HMBOX1: variants seen among roughly 807,000 people sequenced by gnomAD.
HMBOX1 encodes homeobox-containing protein 1.
HMBOX1 carries 14 observed loss-of-function variants against 54.5 expected under a neutral mutation model. That is an observed-to-expected ratio of 0.26 (90% CI 0.17 to 0.40). HMBOX1 has a LOEUF of 0.40. HMBOX1 is among the 10% of genes least tolerant of loss of function. The pLI, the probability that HMBOX1 is intolerant of heterozygous loss-of-function variation, is 1.00. For synonymous variants in HMBOX1, 160 were observed against 181.0 expected, an observed-to-expected ratio of 0.88 and a Z score of 0.93; for missense variants, 332 against 514.4, an observed-to-expected ratio of 0.65 and a Z score of 3.43.
intron 6 of HMBOX1, among the ~76,000 whole-genome samples, chr8:29,041,541 A>G (rs978206302): frequency 2.6e-5 from 4 of 152,200 alleles, no homozygotes; most frequent in Admixed American, 2.6e-4. Flanking sequence ...GTATACAGTG[A>G]TAACTATAAT....
chr8:29,037,302 G>C (rs1011802499), intron 6 of HMBOX1, among the ~76,000 whole-genome samples: 3 of 152,060 alleles, frequency 2.0e-5, no homozygotes, highest in African/African-American at 7.2e-5. Context: ...AATGCAAATT[G>C]GTTTGTTGCT....
intron 1 of HMBOX1, among the ~76,000 whole-genome samples, chr8:28,917,597 G>A (rs1047733144): frequency 2.0e-5 from 3 of 151,906 alleles, no homozygotes; most frequent in African/African-American, 7.3e-5. Context: ...GAATAGTAGT[G>A]GTTAGAATGG....
intron 1 of HMBOX1, among the ~76,000 whole-genome samples, chr8:28,930,523 A>G (rs531249127): frequency 1.1e-4 from 17 of 152,322 alleles, no homozygotes; most frequent in South Asian, 6.2e-4. Context: ...TTGGTAGTCA[A>G]ATAACATAAG....
chr8:29,009,289 T>G, intron 5 of HMBOX1, 107 bp downstream of exon 5: 1 of 1,082,200 alleles, frequency 9.2e-7, no homozygotes, highest in Non-Finnish European at 1.3e-6. Flanking sequence ...TTTCATACTT[T>G]ACTATGGTTG....
intron 4 of HMBOX1, among the ~76,000 whole-genome samples, chr8:28,987,721 A>G (rs1008543898): frequency 6.6e-6 from 1 of 152,198 alleles, no homozygotes; most frequent in Admixed American, 6.5e-5. Flanking sequence ...CTGCTTAAGT[A>G]AGGAACTGAT....
At chr8:28,940,509 G>A (rs138054066) in intron 1 of HMBOX1, among the ~76,000 whole-genome samples, 48 of 152,170 alleles carry the variant, frequency 3.2e-4, no homozygotes, top group Non-Finnish European at 1.6e-4. Flanking sequence ...TCACTACACT[G>A]TAAGCTTCCT....
At position 28,959,460 on chromosome 8, in the gene HMBOX1, C is replaced by T. The variant is rs187948206; in HGVS notation, c.-57-4351C>T. Among the ~76,000 whole-genome samples the T allele has an allele frequency of 3.1e-3, 475 of 152,224 alleles. 4 individuals are homozygous for T. Among genetic ancestry groups the T allele is most frequent in the African/African-American group, 0.011 (456 of 41,524 alleles). ...AATTGTTTATTTCTGGAATTTTCCA[C>T]GTAATATTCTCGGACCATGGTTACT... On this transcript the variant is annotated intron_variant, in intron 1 of 9. Coordinates refer to ENST00000287701, the MANE Select transcript of HMBOX1 (RefSeq NM_001135726.3).
chr8:28,932,336 G>C (rs1819617449), intron 1 of HMBOX1, among the ~76,000 whole-genome samples: 1 of 152,192 alleles, frequency 6.6e-6, no homozygotes, highest in South Asian at 2.1e-4. Flanking sequence ...GTGGGAGTAT[G>C]ACATTATTTG....
chr8:28,933,263 A>G (rs1819793321), intron 1 of HMBOX1, among the ~76,000 whole-genome samples: 1 of 152,312 alleles, frequency 6.6e-6, no homozygotes, highest in South Asian at 2.1e-4. Context: ...CTCCAAGTCC[A>G]TGATCTCTTG....
At chr8:29,012,092 T>TG (rs761916058) in intron 5 of HMBOX1, among the ~76,000 whole-genome samples, 1 of 152,230 alleles carries the variant, frequency 6.6e-6, no homozygotes, top group Non-Finnish European at 1.5e-5. Flanking sequence ...TAGTTGTTGT[T>TG]GCGTTAACAG....
At chr8:28,904,106 A>T (rs1813784691) in intron 1 of HMBOX1, among the ~76,000 whole-genome samples, 1 of 152,100 alleles carries the variant, frequency 6.6e-6, no homozygotes, top group African/African-American at 2.4e-5. Flanking sequence ...CTATCAGTTG[A>T]CACTCTACAT....
chr8:28,982,950 G>A (rs535804927), intron 4 of HMBOX1, among the ~76,000 whole-genome samples: 1 of 152,166 alleles, frequency 6.6e-6, no homozygotes, highest in South Asian at 2.1e-4. Flanking sequence ...TAGAGATGAG[G>A]TTTCACCATG....
intron 4 of HMBOX1, among the ~76,000 whole-genome samples, chr8:28,990,756 C>T (rs1299820439): frequency 1.3e-5 from 2 of 151,968 alleles, no homozygotes; most frequent in East Asian, 1.9e-4. Context: ...TAGGTTCAAG[C>T]GATTCTCCTA....
At chr8:28,907,652 C>G (rs947069299) in intron 1 of HMBOX1, among the ~76,000 whole-genome samples, 7 of 152,182 alleles carry the variant, frequency 4.6e-5, no homozygotes, top group Middle Eastern at 6.8e-3. Flanking sequence ...CTGTGGGATC[C>G]TAGATGGCTT....
chr8:28,892,324 G>A (rs1328972173), intron 1 of HMBOX1, among the ~76,000 whole-genome samples: 2 of 152,128 alleles, frequency 1.3e-5, no homozygotes, highest in African/African-American at 4.8e-5. Flanking sequence ...ATTTCAATTA[G>A]AGTTAAAAAG....
chr8:29,032,375 CA>C (rs1240223311), intron 6 of HMBOX1, among the ~76,000 whole-genome samples: 1 of 151,368 alleles, frequency 6.6e-6, no homozygotes, highest in Non-Finnish European at 1.5e-5. Flanking sequence ...TTCTTTAAGA[CA>C]GAAGCCTAAG....
chr8:28,962,847 A>G (rs767101450), intron 1 of HMBOX1, among the ~76,000 whole-genome samples: 2 of 151,828 alleles, frequency 1.3e-5, no homozygotes, highest in African/African-American at 2.4e-5. Context: ...GGGTGTGTCT[A>G]TAATTTTTGT....
chr8:28,947,221 C>T (rs138585274), intron 1 of HMBOX1, among the ~76,000 whole-genome samples: 1 of 152,284 alleles, frequency 6.6e-6, no homozygotes, highest in East Asian at 1.9e-4. Flanking sequence ...ATAGTAGACT[C>T]TGAGGAATTC....
At chr8:28,891,999 C>CTCCT (rs949155076) in intron 1 of HMBOX1, among the ~76,000 whole-genome samples, 9 of 152,018 alleles carry the variant, frequency 5.9e-5, no homozygotes, top group South Asian at 2.1e-4. Context: ...CCTATCCTCC[C>CTCCT]TCCTTCCTTC....
Sources: gnomAD v4.1 joint callset for allele counts (sites outside exome capture counted in the v4.1 genomes callset) on GRCh38, gnomAD v4.1.1 for gene constraint, MANE v1.5 for transcripts, NCBI Gene and HGNC (gene_info 2026-07-23, HGNC 2026-07-21) for gene names.